SLC4A4: variants seen among roughly 807,000 people sequenced by gnomAD.
SLC4A4 encodes the protein solute carrier family 4 member 4, also known as electrogenic sodium bicarbonate cotransporter 1.
In SLC4A4, 27 loss-of-function variants were observed where a neutral mutation model predicts 111.5. That is an observed-to-expected ratio of 0.24 (90% CI 0.18 to 0.33). The LOEUF (loss-of-function observed/expected upper bound fraction) is 0.33, where lower values mean the gene tolerates loss of function less well. Among genes scored for constraint, SLC4A4 ranks in the 10% least tolerant of loss-of-function variants. The probability of loss-of-function intolerance (pLI) is 1.00; values close to 1 mark genes in which losing one functional copy is unlikely to be tolerated. For missense variants in SLC4A4, 909 were observed against 1,315.5 expected, an observed-to-expected ratio of 0.69 and a Z score of 4.78; for synonymous variants, 443 against 463.4, an observed-to-expected ratio of 0.96 and a Z score of 0.57.
intron 2 of SLC4A4, among the ~76,000 whole-genome samples, chr4:71,102,763 GA>G (rs1742795618): frequency 6.6e-6 from 1 of 151,352 alleles, no homozygotes; most frequent in Non-Finnish European, 1.5e-5. Context: ...AAGAGCTCCT[GA>G]AGGAAGCACT....
chr4:71,145,014 G>A (rs541691483), intron 2 of SLC4A4, among the ~76,000 whole-genome samples: 53 of 152,142 alleles, frequency 3.5e-4, no homozygotes, highest in African/African-American at 1.2e-3. Context: ...GAGGGCATCC[G>A]TGTCTTGTGC....
chr4:71,141,763 TA>T (rs1486280177), intron 2 of SLC4A4, among the ~76,000 whole-genome samples: 1 of 152,226 alleles, frequency 6.6e-6, no homozygotes, highest in African/African-American at 2.4e-5. Flanking sequence ...ATATTATGCT[TA>T]AAAAATATTG....
chr4:71,416,531 C>T (rs757988199), intron 7 of SLC4A4, among the ~76,000 whole-genome samples: 1 of 152,008 alleles, frequency 6.6e-6, no homozygotes, highest in African/African-American at 2.4e-5. Flanking sequence ...GAAGCAAAAC[C>T]TTAGATAAGG....
chr4:71,377,814 T>C (rs1560454688), intron 6 of SLC4A4, among the ~76,000 whole-genome samples: 1 of 152,174 alleles, frequency 6.6e-6, no homozygotes. Flanking sequence ...TCATTTGACA[T>C]AGTGAGTCAT....
chr4:71,537,755 G>A (rs1435972862), intron 18 of SLC4A4, among the ~76,000 whole-genome samples: 1 of 151,632 alleles, frequency 6.6e-6, no homozygotes, highest in Admixed American at 6.6e-5. Context: ...GAGTGTACTC[G>A]TTTTATTTTG....
chr4:71,269,374 G>T (rs1722531601), intron 3 of SLC4A4, among the ~76,000 whole-genome samples: 1 of 152,186 alleles, frequency 6.6e-6, no homozygotes, highest in African/African-American at 2.4e-5. Flanking sequence ...TGAAATTCCA[G>T]CAGTTTAGGT....
At chr4:71,463,327 A>G (rs1178931399) in intron 12 of SLC4A4, among the ~76,000 whole-genome samples, 2 of 152,214 alleles carry the variant, frequency 1.3e-5, no homozygotes, top group African/African-American at 2.4e-5. Flanking sequence ...GAATATAATA[A>G]ATCAGAAAAG....
intron 2 of SLC4A4, among the ~76,000 whole-genome samples, chr4:71,157,645 T>A (rs967094110): frequency 4.6e-5 from 7 of 152,230 alleles, no homozygotes; most frequent in African/African-American, 1.4e-4. Context: ...TTACATTAAC[T>A]TAGTACATAA....
At chr4:71,561,592 G>T (rs1736985137) in intron 23 of SLC4A4, among the ~76,000 whole-genome samples, 1 of 151,740 alleles carries the variant, frequency 6.6e-6, no homozygotes, top group Non-Finnish European at 1.5e-5. Flanking sequence ...GGCACATTTA[G>T]CTAAAGAGAA....
At position 71,534,250 on chromosome 4, in the gene SLC4A4, G is replaced by A; in HGVS notation, c.2304G>A (p.Trp768Ter). The change falls in exon 18 of 26, where the codon TGG becomes TGA. Residue 768 changes from tryptophan to a stop codon, truncating the protein, a stop_gained. Coordinates refer to ENST00000264485, the MANE Select transcript of SLC4A4 (RefSeq NM_001098484.3). LOFTEE classifies it high-confidence loss of function. ...AGCCAACAAGTCCAAACCGAGGTTG[G>A]TTCGTTCCACCGTTTGGAGAAAACC... is the stretch of plus-strand genomic sequence containing the variant. The part of the protein sequence containing the change: ...EFKPTSPNRG[W>*]FVPPFGENPW... 6.2e-7 allele frequency: 1 copy of A among 1,613,640 alleles called. No homozygotes were observed. The highest frequency in any genetic ancestry group is 8.5e-7 in the Non-Finnish European group (1 of 1,179,756).
intron 13 of SLC4A4, among the ~76,000 whole-genome samples, chr4:71,471,819 T>C (rs1727898457): frequency 1.3e-5 from 2 of 151,966 alleles, no homozygotes; most frequent in Non-Finnish European, 2.9e-5. Context: ...TCTCCTTAGA[T>C]AGAAGTAGCC....
At chr4:71,450,996 T>C (rs1725710703) in intron 10 of SLC4A4, among the ~76,000 whole-genome samples, 192 bp from the exon 11 acceptor site, 1 of 152,246 alleles carries the variant, frequency 6.6e-6, no homozygotes, top group African/African-American at 2.4e-5. Context: ...TCAACTTTCC[T>C]ATTCATCCAG....
chr4:71,360,059 T>C (rs1730633425), intron 6 of SLC4A4, among the ~76,000 whole-genome samples: 1 of 152,178 alleles, frequency 6.6e-6, no homozygotes, highest in South Asian at 2.1e-4. Context: ...CTATTAAAAA[T>C]TAAGTTATAT....
At chr4:71,324,632 G>A (rs1727369822) in intron 3 of SLC4A4, among the ~76,000 whole-genome samples, 1 of 152,068 alleles carries the variant, frequency 6.6e-6, no homozygotes, top group East Asian at 1.9e-4. Flanking sequence ...CAGAAGTTAG[G>A]AAAGAACTAC....
At chr4:71,541,455 C>T (rs12644617) in intron 18 of SLC4A4, among the ~76,000 whole-genome samples, 33,281 of 151,922 alleles carry the variant, frequency 0.22, 3,870 homozygotes, top group East Asian at 0.4. Flanking sequence ...GAAGCAGAAT[C>T]CCAATTCAAA....
chr4:71,183,248 G>A (rs1423485140), upstream of SLC4A4, among the ~76,000 whole-genome samples: 1 of 152,164 alleles, frequency 6.6e-6, no homozygotes, highest in African/African-American at 2.4e-5. Flanking sequence ...ACTGATAGTT[G>A]ACTTTAGGCA....
At chr4:71,446,379 A>G (rs1725231813) in intron 8 of SLC4A4, among the ~76,000 whole-genome samples, 1 of 152,190 alleles carries the variant, frequency 6.6e-6, no homozygotes, top group African/African-American at 2.4e-5. Flanking sequence ...TCCCTGGCTA[A>G]GCATCCAGAA....
At chr4:71,479,434 G>T (rs974147888) in intron 14 of SLC4A4, among the ~76,000 whole-genome samples, 1 of 151,632 alleles carries the variant, frequency 6.6e-6, no homozygotes, top group African/African-American at 2.4e-5. Context: ...AATAAGCGCT[G>T]TGCAACAATA....
chr4:71,348,015 T>C (rs1729483356), intron 4 of SLC4A4, among the ~76,000 whole-genome samples: 1 of 152,192 alleles, frequency 6.6e-6, no homozygotes, highest in South Asian at 2.1e-4. Flanking sequence ...AGTCTTATCT[T>C]GAGCAATAAA....
Sources: gnomAD v4.1 joint callset for allele counts (sites outside exome capture counted in the v4.1 genomes callset) on GRCh38, gnomAD v4.1.1 for gene constraint, MANE v1.5 for transcripts, NCBI Gene and HGNC (gene_info 2026-07-23, HGNC 2026-07-21) for gene names.